The following PSD3 variants were observed in gnomAD, a reference collection of about 807,000 sequenced individuals.
PSD3 encodes pleckstrin and Sec7 domain containing 3.
Under a neutral mutation model 105.5 loss-of-function variants are expected in PSD3, and 49 were observed. The observed-to-expected ratio is 0.46, with a 90% CI of 0.37 to 0.59. The LOEUF (loss-of-function observed/expected upper bound fraction) is 0.59. Among genes scored for constraint, PSD3 ranks in the 20% least tolerant of loss-of-function variants. The pLI, the probability that PSD3 is intolerant of heterozygous loss-of-function variation, is 0.00. For missense variants in PSD3, 1,561 were observed against 1,263.8 expected (o/e 1.24, Z -3.57); for synonymous variants, 557 against 457.8 (o/e 1.22, Z -2.77).
intron 3 of PSD3, among the ~76,000 whole-genome samples, chr8:18,868,829 T>C (rs1817134673): frequency 6.6e-6 from 1 of 152,214 alleles, no homozygotes; most frequent in Non-Finnish European, 1.5e-5. Context: ...AGATCACTAC[T>C]AAGAGCAAGA....
intron 1 of PSD3, among the ~76,000 whole-genome samples, chr8:19,020,355 A>G (rs1244071221): frequency 6.6e-6 from 1 of 152,146 alleles, no homozygotes. Flanking sequence ...AAATTTGAGT[A>G]AACACCTAAA....
intron 2 of PSD3, 41 bp downstream of exon 2, chr8:18,935,993 C>T (rs1822101904): frequency 7.6e-7 from 1 of 1,315,926 alleles, no homozygotes; most frequent in Admixed American, 1.7e-5. Context: ...CACAGCTCTT[C>T]ATATAGTTTA....
chr8:18,655,988 T>C (rs1808864381), intron 9 of PSD3, among the ~76,000 whole-genome samples: 1 of 152,230 alleles, frequency 6.6e-6, no homozygotes, highest in African/African-American at 2.4e-5. Flanking sequence ...ACACTGTGCA[T>C]GCTATTTCTC....
At chr8:18,784,634 G>A (rs960306040) in intron 8 of PSD3, among the ~76,000 whole-genome samples, 1 of 152,128 alleles carries the variant, frequency 6.6e-6, no homozygotes, top group Admixed American at 6.5e-5. Flanking sequence ...TACTAGGAGG[G>A]CTCACAGAAC....
intron 11 of PSD3, among the ~76,000 whole-genome samples, chr8:18,628,870 C>G (rs1450499046): frequency 6.6e-6 from 1 of 151,820 alleles, no homozygotes; most frequent in East Asian, 1.9e-4. Flanking sequence ...AAAAATAATC[C>G]TACACAAGAA....
chr8:18,801,043 T>G, intron 7 of PSD3: 1 of 346,782 alleles, frequency 2.9e-6, no homozygotes, highest in South Asian at 6.4e-5. Context: ...GAATATTTAA[T>G]GACATGAGAA....
At chr8:18,734,926 AG>A (rs1002819092) in intron 9 of PSD3, among the ~76,000 whole-genome samples, 13 of 152,354 alleles carry the variant, frequency 8.5e-5, no homozygotes, top group African/African-American at 2.6e-4. Context: ...TCCTCATCTC[AG>A]TTGAAAACTT....
At chr8:18,809,857 A>AC (rs991031635) in intron 4 of PSD3, among the ~76,000 whole-genome samples, 2 of 152,120 alleles carry the variant, frequency 1.3e-5, no homozygotes, top group African/African-American at 4.8e-5. Flanking sequence ...TAAATACAAA[A>AC]AAAACAAAAC....
rs1201836012 is a variant in PSD3 at position 18,532,626 on chromosome 8, G to C, written c.*3117C>G. ...ACAAAAGTATTGCTCAGTTTAATTAGACACTGCTGAGAGTTAGCAAAATGA... is the reference window on the plus strand; with the variant it reads ...ACAAAAGTATTGCTCAGTTTAATTACACACTGCTGAGAGTTAGCAAAATGA... On this transcript the variant is annotated 3_prime_UTR_variant, in exon 16 of 16. Transcript: ENST00000327040. The C allele has an allele frequency of 6.6e-6, 1 of 152,196 alleles. No individual in the cohort carries two copies. The highest frequency in any genetic ancestry group is 1.5e-5 in the Non-Finnish European group (1 of 68,028). The allele number at this position is 152,196 out of a possible 1,614,324, so 9.4% of individuals were successfully genotyped here. A position where few individuals can be genotyped will look rare whatever the true frequency, so the allele number is the denominator to read the frequency against.
rs541245790 is a variant in PSD3, at chr8:18,675,472, T to A, written c.2173-19787A>T. ...GTAACGAGTACACTAGTGTTTCCAG[T>A]GCCTTGGGGGGCATTTCATGTTGTA... On this transcript the variant is annotated intron_variant, in intron 9 of 15. Coordinates refer to ENST00000327040, the MANE Select transcript of PSD3 (RefSeq NM_015310.4). Among the ~76,000 whole-genome samples, 4 of 152,294 alleles carry A rather than the reference T, an allele frequency of 2.6e-5. No individual in the cohort carries two copies. The East Asian group carries it at 7.7e-4, about 29-fold the overall frequency.
chr8:18,632,398 G>C (rs1382695068), intron 11 of PSD3, among the ~76,000 whole-genome samples: 1 of 151,990 alleles, frequency 6.6e-6, no homozygotes, highest in Non-Finnish European at 1.5e-5. Flanking sequence ...AAATTGAAAG[G>C]AGTTCTCCCT....
intron 2 of PSD3, chr8:18,924,577 A>G (rs186639533): frequency 1.2e-4 from 18 of 152,314 alleles, no homozygotes; most frequent in Non-Finnish European, 5.9e-5. Flanking sequence ...GTGGTATTCT[A>G]TCCCAGCCCA....
chr8:19,083,935 G>C (rs533049341), intron 1 of PSD3, among the ~76,000 whole-genome samples: 2 of 152,150 alleles, frequency 1.3e-5, no homozygotes, highest in Non-Finnish European at 2.9e-5. Context: ...AAGTATGCCT[G>C]ACTTTTCTTT....
chr8:18,647,827 G>A (rs1468306023), intron 10 of PSD3, among the ~76,000 whole-genome samples: 1 of 152,114 alleles, frequency 6.6e-6, no homozygotes, highest in African/African-American at 2.4e-5. Flanking sequence ...GTGAGTGAGT[G>A]AGTTAAGTCA....
chr8:19,041,675 T>C (rs1231493848), intron 1 of PSD3, among the ~76,000 whole-genome samples: 1 of 152,204 alleles, frequency 6.6e-6, no homozygotes, highest in Non-Finnish European at 1.5e-5. Flanking sequence ...GGTAAACACA[T>C]TGGACTACGC....
intron 1 of PSD3, among the ~76,000 whole-genome samples, chr8:19,024,653 C>T (rs755476986): frequency 9.2e-5 from 14 of 152,000 alleles, no homozygotes; most frequent in African/African-American, 1.9e-4. Context: ...ATCAGAAAGA[C>T]GACATGATTA....
intron 9 of PSD3, among the ~76,000 whole-genome samples, chr8:18,675,881 T>A (rs180683897): frequency 6.6e-6 from 1 of 152,086 alleles, no homozygotes; most frequent in East Asian, 1.9e-4. Flanking sequence ...AAATAAAAAA[T>A]ATTTTCCAAA....
chr8:18,869,764 G>T (rs1268583814), intron 3 of PSD3, among the ~76,000 whole-genome samples: 1 of 152,148 alleles, frequency 6.6e-6, no homozygotes, highest in Non-Finnish European at 1.5e-5. Context: ...ATTCATTCTT[G>T]TAGGTCTCTG....
At chr8:18,586,830 T>C (rs1803223067) in intron 12 of PSD3, among the ~76,000 whole-genome samples, 1 of 152,112 alleles carries the variant, frequency 6.6e-6, no homozygotes. Context: ...TGGAAGCCCT[T>C]GGACAGGATT....
Sources: gnomAD v4.1 joint callset for allele counts (sites outside exome capture counted in the v4.1 genomes callset) on GRCh38, gnomAD v4.1.1 for gene constraint, MANE v1.5 for transcripts, NCBI Gene and HGNC (gene_info 2026-07-23, HGNC 2026-07-21) for gene names.